Variants in PCDH15 observed in about 807,000 individuals in gnomAD.
PCDH15 encodes the protein protocadherin related 15.
A neutral mutation model predicts 178.5 loss-of-function variants in PCDH15; 129 were observed. That is an observed-to-expected ratio of 0.72 (90% CI 0.63 to 0.84). PCDH15 has a LOEUF of 0.84. Ranked by LOEUF, PCDH15 falls within the 40% of genes least tolerant of loss-of-function variation. The pLI, the probability that PCDH15 is intolerant of heterozygous loss-of-function variation, is 0.00. For synonymous variants in PCDH15, 800 were observed against 732.0 expected (o/e 1.09, Z -1.50); for missense variants, 2,230 against 2,099.9 (o/e 1.06, Z -1.21).
intron 1 of PCDH15, among the ~76,000 whole-genome samples, chr10:54,672,440 G>A (rs932973914): frequency 6.6e-6 from 1 of 152,098 alleles, no homozygotes; most frequent in South Asian, 2.1e-4. Context: ...TCACTTTATT[G>A]TTTCAATTAA....
At chr10:54,315,921 T>C (rs1276326225) in intron 8 of PCDH15, among the ~76,000 whole-genome samples, 1 of 137,384 alleles carries the variant, frequency 7.3e-6, no homozygotes, top group African/African-American at 2.6e-5. Flanking sequence ...CCATCTTTAA[T>C]AGTTTGTGTG....
chr10:55,351,020 C>T (rs1220255366), intron 2 of PCDH15, among the ~76,000 whole-genome samples: 1 of 104,830 alleles, frequency 9.5e-6, no homozygotes, highest in African/African-American at 3.7e-5. Flanking sequence ...CCCTCTCTCC[C>T]TGCTTCCTCC....
chr10:54,751,763 C>A (rs760876951), intron 1 of PCDH15, among the ~76,000 whole-genome samples: 1 of 152,034 alleles, frequency 6.6e-6, no homozygotes, highest in Non-Finnish European at 1.5e-5. Flanking sequence ...GATACTAATT[C>A]TCTGTAATAC....
intron 2 of PCDH15, among the ~76,000 whole-genome samples, chr10:55,539,214 A>G (rs1841701733): frequency 6.6e-6 from 1 of 152,002 alleles, no homozygotes; most frequent in Admixed American, 6.6e-5. Flanking sequence ...TTGAAGTAAT[A>G]CACCATTTGT....
chr10:55,212,755 G>T (rs1010530772), intron 1 of PCDH15, among the ~76,000 whole-genome samples: 1 of 151,990 alleles, frequency 6.6e-6, no homozygotes, highest in East Asian at 1.9e-4. Context: ...TCAACAACAG[G>T]TTAAGAAATA....
At chr10:54,583,604 A>G (rs983296379) in intron 2 of PCDH15, among the ~76,000 whole-genome samples, 15 of 152,136 alleles carry the variant, frequency 9.9e-5, no homozygotes, top group Non-Finnish European at 1.9e-4. Context: ...ACACATAGAA[A>G]TTCTAACATA....
At chr10:54,701,371 C>T (rs529982805) in intron 1 of PCDH15, among the ~76,000 whole-genome samples, 3 of 152,042 alleles carry the variant, frequency 2.0e-5, no homozygotes, top group East Asian at 1.9e-4. Context: ...GTACATAAAT[C>T]GACATTCTAA....
At chr10:55,439,214 G>C (rs542860343) in intron 2 of PCDH15, among the ~76,000 whole-genome samples, 1 of 152,164 alleles carries the variant, frequency 6.6e-6, no homozygotes, top group Non-Finnish European at 1.5e-5. Flanking sequence ...AACAGACCAA[G>C]TCACATACAC....
chr10:54,553,178 C>A (rs1323486626), intron 2 of PCDH15, among the ~76,000 whole-genome samples: 2 of 152,120 alleles, frequency 1.3e-5, no homozygotes, highest in East Asian at 3.9e-4. Context: ...TTCAGGTGTA[C>A]TTTACTTACA....
intron 16 of PCDH15, among the ~76,000 whole-genome samples, chr10:54,082,772 A>C (rs2094453991): frequency 6.9e-6 from 1 of 145,236 alleles, no homozygotes; most frequent in Admixed American, 7.0e-5. Context: ...AAAAAAAAAA[A>C]ACCTTTTGTG....
At chr10:54,113,658 ACG>A (rs1491471637) in intron 15 of PCDH15, among the ~76,000 whole-genome samples, 28 of 150,472 alleles carry the variant, frequency 1.9e-4, no homozygotes, top group Non-Finnish European at 3.0e-4. Flanking sequence ...ACACACACAC[ACG>A]CACATCTTAA....
chr10:54,300,120 C>A (rs1450818305), intron 8 of PCDH15, among the ~76,000 whole-genome samples: 1 of 152,146 alleles, frequency 6.6e-6, no homozygotes, highest in Non-Finnish European at 1.5e-5. Context: ...CTCCTCACTA[C>A]TGAGAAAGGA....
intron 1 of PCDH15, among the ~76,000 whole-genome samples, chr10:55,203,683 G>A (rs1840314301): frequency 1.3e-5 from 2 of 152,032 alleles, no homozygotes. Context: ...TCATTAAATA[G>A]AGATAAATAT....
intron 2 of PCDH15, among the ~76,000 whole-genome samples, chr10:55,053,172 C>A (rs1367228239): frequency 6.6e-6 from 1 of 152,152 alleles, no homozygotes; most frequent in Non-Finnish European, 1.5e-5. Flanking sequence ...AATCTTTCAA[C>A]ATGATTTTTT....
In PCDH15 at chr10:55,015,786, G is replaced by C. The variant is rs143176084; in HGVS notation, c.-79-118286C>G. Among the ~76,000 whole-genome samples, 568 of 152,188 alleles carry C rather than the reference G, an allele frequency of 3.7e-3. 1 individual carries two copies. The highest frequency in any genetic ancestry group is 6.0e-3 in the Non-Finnish European group (408 of 67,996). On this transcript the variant is annotated intron_variant, in intron 2 of 5. Coordinates refer to the PCDH15 transcript ENST00000458638. Reference sequence around the variant, plus strand: ...AGATGCGCTAGGTGCCTTGTTTTATGTCCCCTGAACCTACCTTTGATTTCA... The same window carrying C: ...AGATGCGCTAGGTGCCTTGTTTTATCTCCCCTGAACCTACCTTTGATTTCA...
chr10:54,114,067 A>G (rs549403179), intron 15 of PCDH15, among the ~76,000 whole-genome samples: 1 of 152,288 alleles, frequency 6.6e-6, no homozygotes, highest in South Asian at 2.1e-4. Context: ...TCCCTCCCAC[A>G]ACACGTGGGG....
rs568501376 is a variant in PCDH15 at position 55,416,742 on chromosome 10, G to A, written c.-156+210883C>T. 2.0e-5 allele frequency among the ~76,000 whole-genome samples: 3 copies of A among 151,840 alleles called. No individual in the cohort carries two copies. The East Asian group carries it at 5.8e-4, about 30-fold the overall frequency. ...TGGCCACAGAGAATTAAAGGGACAG[G>A]TGAGGCTGAAAGCAATCAAAAGTTT... On this transcript the variant is annotated intron_variant, in intron 2 of 5. Coordinates refer to the PCDH15 transcript ENST00000613346.
At chr10:54,707,600 C>A (rs1256655321) in intron 1 of PCDH15, among the ~76,000 whole-genome samples, 1 of 152,116 alleles carries the variant, frequency 6.6e-6, no homozygotes, top group Non-Finnish European at 1.5e-5. Flanking sequence ...TGAAAATACA[C>A]AGCCTATCTG....
At chr10:54,061,283 C>T (rs1313725967) in intron 18 of PCDH15, among the ~76,000 whole-genome samples, 1 of 152,180 alleles carries the variant, frequency 6.6e-6, no homozygotes, top group Non-Finnish European at 1.5e-5. Flanking sequence ...CATACAAATC[C>T]TCTAGATTCT....
Sources: gnomAD v4.1 joint callset for allele counts (sites outside exome capture counted in the v4.1 genomes callset) on GRCh38, gnomAD v4.1.1 for gene constraint, MANE v1.5 for transcripts, NCBI Gene and HGNC (gene_info 2026-07-23, HGNC 2026-07-21) for gene names.